TMTC4: variants seen among roughly 807,000 people sequenced by gnomAD.
TMTC4 encodes protein O-mannosyl-transferase TMTC4.
A neutral mutation model predicts 86.0 loss-of-function variants in TMTC4; 65 were observed. That is an observed-to-expected ratio of 0.76 (90% CI 0.62 to 0.93). The LOEUF (loss-of-function observed/expected upper bound fraction) is 0.93, where lower values mean the gene tolerates loss of function less well. TMTC4 is among the 40% of genes least tolerant of loss of function. The pLI is 0.00. For missense variants in TMTC4, 866 were observed against 948.1 expected (o/e 0.91, Z 1.14); for synonymous variants, 379 against 382.5 (o/e 0.99, Z 0.11).
In TMTC4 at chr13:100,604,954, G is replaced by GCACACA; in HGVS notation, c.*34_*39dup. On this transcript the variant is annotated 3_prime_UTR_variant, in exon 19 of 19. Transcript: ENST00000342624. ...ACATACTATTAATGATATGCCTCATGCACACACACACTCAAACTCAAAACA... is the reference window on the plus strand; with the variant it reads ...ACATACTATTAATGATATGCCTCATGCACACACACACACACACTCAAACTCAAAACA... 1.3e-6 allele frequency: 2 copies of GCACACA among 1,591,080 alleles called. No individual in the cohort carries two copies. Among genetic ancestry groups the GCACACA allele is most frequent in the Non-Finnish European group, 1.7e-6 (2 of 1,167,558 alleles).
At chr13:100,649,175 G>A (rs1346903799) in intron 6 of TMTC4, among the ~76,000 whole-genome samples, 2 of 152,162 alleles carry the variant, frequency 1.3e-5, no homozygotes, top group African/African-American at 4.8e-5. Context: ...ATACAGCGTT[G>A]ACAAAATGCT....
chr13:100,674,852 C>A (rs1421204044), upstream of TMTC4: 3 of 974,512 alleles, frequency 3.1e-6, no homozygotes, highest in South Asian at 9.5e-5. Context: ...CGCCGCGCAC[C>A]CGACCCCCCC....
At position 100,614,321 on chromosome 13, in the gene TMTC4, T is replaced by C; in HGVS notation, c.1946A>G (p.Asn649Ser). 1 of 1,612,724 alleles carries C rather than the reference T, an allele frequency of 6.2e-7. No homozygotes were observed. Among genetic ancestry groups the C allele is most frequent in the Non-Finnish European group, 8.5e-7 (1 of 1,179,178 alleles). The change falls in exon 16 of 19, where the codon AAT becomes AGT. Residue 649 changes from asparagine to serine, a missense_variant. By Grantham distance (46) the Asn-to-Ser change is conservative. Transcript: ENST00000342624. ...TTCCATCCAGCTTTCTGTACCTGTA[T>C]TGTCGAGGAGTATAATCATGTTGTT... The part of the protein sequence containing the change: ...AWNNMIILLD[N>S]TGNLAQAEAV...
chr13:100,636,447 A>C, intron 10 of TMTC4, 85 bp downstream of exon 10: 1 of 1,503,272 alleles, frequency 6.7e-7, no homozygotes, highest in Non-Finnish European at 9.2e-7. Flanking sequence ...ACTTCCACAA[A>C]ATCATAAAAA....
chr13:100,606,732 G>T (rs1310511338), intron 17 of TMTC4, among the ~76,000 whole-genome samples: 1 of 152,186 alleles, frequency 6.6e-6, no homozygotes, highest in Non-Finnish European at 1.5e-5. Flanking sequence ...GGTGCGTGAT[G>T]ACGACAGGAG....
intron 15 of TMTC4, among the ~76,000 whole-genome samples, chr13:100,615,652 G>T (rs551523362): frequency 6.6e-6 from 1 of 151,124 alleles, no homozygotes; most frequent in Non-Finnish European, 1.5e-5. Flanking sequence ...GGGGTTTCAC[G>T]ATGTTGCCCA....
At chr13:100,660,330 C>CAAAAAAAAAAAAAAAA (rs56177115) in intron 5 of TMTC4, among the ~76,000 whole-genome samples, 1 of 131,130 alleles carries the variant, frequency 7.6e-6, no homozygotes, top group African/African-American at 3.1e-5. Context: ...GACTGTGTAT[C>CAAAAAAAAAAAAAAAA]AAAAAAAAAA....
chr13:100,628,214 C>G (rs1240643138), intron 12 of TMTC4, among the ~76,000 whole-genome samples: 1 of 152,220 alleles, frequency 6.6e-6, no homozygotes, highest in East Asian at 1.9e-4. Flanking sequence ...CTCACCTCCA[C>G]CAGACCCTGG....
chr13:100,618,965 C>T lies in TMTC4; in HGVS notation c.1837-4535G>A, dbSNP rs563741948. ...TTCCCCCCTTTCTATTCCACAAAAC[C>T]GCCATTGTCATCCCAGCCCGTTCTC... On this transcript the variant is annotated intron_variant, in intron 15 of 18. Transcript: ENST00000342624. Among the ~76,000 whole-genome samples, 32 of 152,340 alleles carry T rather than the reference C, an allele frequency of 2.1e-4. No homozygotes were observed. The East Asian group carries it at 4.8e-3, about 23-fold the overall frequency.
intron 15 of TMTC4, among the ~76,000 whole-genome samples, chr13:100,623,640 G>GT (rs71200708): frequency 0.19 from 17,795 of 95,382 alleles, 2,283 homozygotes; most frequent in East Asian, 0.34. Context: ...TACTAGTTGG[G>GT]TTTTGTTTTT....
chr13:100,614,747 C>T (rs913509041), intron 15 of TMTC4: 8 of 248,398 alleles, frequency 3.2e-5, no homozygotes, highest in Non-Finnish European at 5.1e-5. Context: ...CCTGTAATGT[C>T]CTATTTCCTG....
At chr13:100,649,833 A>G (rs969863856) in intron 6 of TMTC4, among the ~76,000 whole-genome samples, 1 of 151,876 alleles carries the variant, frequency 6.6e-6, no homozygotes, top group Non-Finnish European at 1.5e-5. Flanking sequence ...GAGAAGATCA[A>G]TATTTTCATT....
Position 100,630,984 on chromosome 13 carries a change from GA to G in TMTC4, c.1506+3820del, listed in dbSNP as rs1296063012. ...ATGGGTTAGGTGGAGGGAATTCTTT[GA>G]ATAAAAAATAGCTGCCTAGATTGCA... On this transcript the variant is annotated intron_variant, in intron 12 of 18. Coordinates refer to ENST00000342624, the MANE Select transcript of TMTC4 (RefSeq NM_032813.5). Among the ~76,000 whole-genome samples the G allele has an allele frequency of 1.8e-4, 28 of 152,252 alleles. No individual in the cohort carries two copies. In the South Asian group the frequency reaches 5.8e-3, roughly 32 times the overall value.
At chr13:100,643,424 G>T (rs1439800811) in intron 6 of TMTC4, among the ~76,000 whole-genome samples, 1 of 152,164 alleles carries the variant, frequency 6.6e-6, no homozygotes, top group African/African-American at 2.4e-5. Flanking sequence ...CACCTATAAC[G>T]TGGGGGCAAC....
At chr13:100,636,137 A>G (rs1322180348) in intron 10 of TMTC4, among the ~76,000 whole-genome samples, 1 of 152,212 alleles carries the variant, frequency 6.6e-6, no homozygotes, top group Non-Finnish European at 1.5e-5. Flanking sequence ...GTACCCAGCT[A>G]CAACAGAGGG....
chr13:100,664,350 A>T lies in TMTC4; in HGVS notation c.220-14T>A, dbSNP rs767823311. On this transcript the variant is annotated splice_polypyrimidine_tract_variant and intron_variant, in intron 3 of 18. Coordinates refer to ENST00000342624, the MANE Select transcript of TMTC4 (RefSeq NM_032813.5). ...TGCTTGGAGGTCCTGCAGGGTCACA[A>T]AGGGGATGTTCTGGACAAGGGTCTC... 1.3e-5 allele frequency: 21 copies of T among 1,590,488 alleles called. No homozygotes were observed. In the East Asian group the frequency reaches 4.8e-4, roughly 36 times the overall value.
intron 1 of TMTC4, 196 bp downstream of exon 1, chr13:100,674,548 G>A: frequency 2.0e-6 from 2 of 982,210 alleles, no homozygotes; most frequent in South Asian, 4.7e-5. Context: ...CTCACACAGG[G>A]GCCCGCGTCC....
At chr13:100,641,406 G>A (rs1017382096) in intron 7 of TMTC4, among the ~76,000 whole-genome samples, 3 of 152,168 alleles carry the variant, frequency 2.0e-5, no homozygotes, top group Admixed American at 6.5e-5. Context: ...GAGGAATGAC[G>A]AGAAGAGAGA....
In TMTC4 at chr13:100,606,353, C is replaced by A. The variant is rs769399880; in HGVS notation, c.2134+5G>T. 6.2e-7 allele frequency: 1 copy of A among 1,613,016 alleles called. No individual in the cohort carries two copies. The highest frequency in any genetic ancestry group is 8.5e-7 in the Non-Finnish European group (1 of 1,179,426). On this transcript the variant is annotated splice_donor_5th_base_variant and intron_variant, in intron 18 of 18. Transcript: ENST00000342624. Reference sequence around the variant, plus strand: ...AACACGATTCAAGTTGAACATTTTTCTTACCCAAATTACCATGGTAACTTG... The same window carrying A: ...AACACGATTCAAGTTGAACATTTTTATTACCCAAATTACCATGGTAACTTG...
Sources: allele counts gnomAD v4.1 joint callset (sites outside exome capture counted in the v4.1 genomes callset), GRCh38; gene constraint gnomAD v4.1.1; transcripts MANE v1.5; gene names NCBI Gene and HGNC (gene_info 2026-07-23, HGNC 2026-07-21).